The following SPTB variants were observed in gnomAD, a reference collection of about 807,000 sequenced individuals.
SPTB encodes spectrin beta, erythrocytic.
A neutral mutation model predicts 256.2 loss-of-function variants in SPTB; 45 were observed. The observed-to-expected ratio is 0.18, with a 90% confidence interval of 0.14 to 0.23. The LOEUF is 0.23. Ranked by LOEUF, SPTB falls within the 10% of genes least tolerant of loss-of-function variation. The pLI is 1.00. For synonymous variants in SPTB, 1,231 were observed against 1,243.1 expected, an observed-to-expected ratio of 0.99 and a Z score of 0.21; for missense variants, 2,715 against 3,040.4, an observed-to-expected ratio of 0.89 and a Z score of 2.52.
chr14:64,779,259 G>C lies in SPTB; in HGVS notation c.4474-13C>G, dbSNP rs1247261400. ...CCTCCACCCAAAGCTGCAGAGACCA[G>C]GAGGCAGGAGAGAGCTGATGACAAT... On this transcript the variant is annotated splice_polypyrimidine_tract_variant and intron_variant, in intron 21 of 35. Coordinates refer to ENST00000644917, the MANE Select transcript of SPTB (RefSeq NM_001355436.2). The surrounding 1 kb of genome is among the most constrained non-coding windows in gnomAD (Gnocchi z 4.2). The C allele has an allele frequency of 1.2e-6, 2 of 1,608,702 alleles. No homozygotes were observed. The highest frequency in any genetic ancestry group is 2.2e-5 in the East Asian group (1 of 44,800).
rs2357727 is a variant in SPTB at position 64,779,463 on chromosome 14, T to C, written c.4474-217A>G. Among the ~76,000 whole-genome samples the C allele has an allele frequency of 0.34, 51,980 of 152,108 alleles. 11,234 individuals are homozygous for C. Among genetic ancestry groups the C allele is most frequent in the African/African-American group, 0.61 (25,391 of 41,496 alleles). On this transcript the variant is annotated intron_variant, in intron 21 of 35. Transcript: ENST00000644917. The surrounding 1 kb of genome is among the most constrained non-coding windows in gnomAD (Gnocchi z 4.2). ...TCCTAGTCAGACAGTGGGAAGGTAATGTAGCTGGATCTCGAACCCAAGTCT... is the reference window on the plus strand; with the variant it reads ...TCCTAGTCAGACAGTGGGAAGGTAACGTAGCTGGATCTCGAACCCAAGTCT...
Position 64,780,559 on chromosome 14 carries a change from G to A in SPTB, c.4267-628C>T, listed in dbSNP as rs187340271. ...CTCCAGAGTAGCTGGGATCATAGGC[G>A]TGTGCCACCACACTCAGCTAGTTTT... On this transcript the variant is annotated intron_variant, in intron 20 of 35. Coordinates refer to ENST00000644917, the MANE Select transcript of SPTB (RefSeq NM_001355436.2). 2.2e-3 allele frequency among the ~76,000 whole-genome samples: 330 copies of A among 152,288 alleles called. 1 individual carries two copies. The highest frequency in any genetic ancestry group is 4.5e-3 in the Admixed American group (69 of 15,302).
chr14:64,784,812 G>A (rs2082536994), intron 18 of SPTB, among the ~76,000 whole-genome samples: 1 of 152,222 alleles, frequency 6.6e-6, no homozygotes, highest in African/African-American at 2.4e-5. Context: ...AAGGACAGAG[G>A]TCAATGAAAA....
In SPTB at chr14:64,801,413, C is replaced by T; in HGVS notation, c.648-13G>A. On this transcript the variant is annotated splice_polypyrimidine_tract_variant and intron_variant, in intron 6 of 35. Transcript: ENST00000644917. Reference sequence around the variant, plus strand: ...GATCAGGTCGGGCCTGGGGACAAAACTGGACTGTGAAAAGGGAGTAGCCAC... The same window carrying T: ...GATCAGGTCGGGCCTGGGGACAAAATTGGACTGTGAAAAGGGAGTAGCCAC... The T allele has an allele frequency of 6.2e-7, 1 of 1,604,638 alleles. No homozygotes were observed. Among genetic ancestry groups the T allele is most frequent in the Non-Finnish European group, 8.5e-7 (1 of 1,171,458 alleles).
intron 1 of SPTB, among the ~76,000 whole-genome samples, chr14:64,829,762 TAC>T (rs1190169261): frequency 6.6e-6 from 1 of 152,160 alleles, no homozygotes; most frequent in Non-Finnish European, 1.5e-5. Flanking sequence ...ACTTGTAAAA[TAC>T]AGTCATATGC....
intron 1 of SPTB, among the ~76,000 whole-genome samples, chr14:64,829,393 T>A (rs2083416598): frequency 1.3e-5 from 2 of 152,150 alleles, no homozygotes; most frequent in South Asian, 4.1e-4. Flanking sequence ...TAATCAAATA[T>A]AATGCACCTT....
At position 64,760,239 on chromosome 14, in the gene SPTB, G is replaced by A. The variant is rs561613043; in HGVS notation, c.6346-6446C>T. Among the ~76,000 whole-genome samples the A allele has an allele frequency of 1.3e-5, 2 of 152,242 alleles. No individual in the cohort carries two copies. Among genetic ancestry groups the A allele is most frequent in the East Asian group, 3.9e-4 (2 of 5,162 alleles). On this transcript the variant is annotated intron_variant, in intron 32 of 35. Coordinates refer to ENST00000644917, the MANE Select transcript of SPTB (RefSeq NM_001355436.2). This position sits in a 1 kb window ranked among gnomAD's most constrained non-coding sequence, Gnocchi z 4.3. ...GCCTTGCTAGGAAACTGGCTTGGGT[G>A]GGGGAGGCAGGGGTTGGGGTCTTCA...
intron 29 of SPTB, 118 bp from the exon 30 acceptor site, chr14:64,767,977 C>T (rs2082217262): frequency 8.9e-7 from 1 of 1,128,600 alleles, no homozygotes; most frequent in Non-Finnish European, 1.3e-6. Context: ...TGTCCCTAAA[C>T]CACATGGATA....
rs1029260923 is a variant in SPTB, at chr14:64,873,504, C to G, written c.-52+6288G>C. Among the ~76,000 whole-genome samples, 3 of 152,082 alleles carry G rather than the reference C, an allele frequency of 2.0e-5. No individual in the cohort carries two copies. Among genetic ancestry groups the G allele is most frequent in the Non-Finnish European group, 2.9e-5 (2 of 68,024 alleles). On this transcript the variant is annotated intron_variant, in intron 1 of 35. Coordinates refer to ENST00000644917, the MANE Select transcript of SPTB (RefSeq NM_001355436.2). This position sits in a 1 kb window ranked among gnomAD's most constrained non-coding sequence, Gnocchi z 4.3. ...AACATCAATTAACGGGCAGATGAAC[C>G]CTTCATTTATCTATGGCATGCTACT...
chr14:64,828,102 T>C (rs1566790486), intron 1 of SPTB, among the ~76,000 whole-genome samples: 1 of 152,192 alleles, frequency 6.6e-6, no homozygotes, highest in African/African-American at 2.4e-5. Context: ...TTACTACCCA[T>C]GGTTGCTACT....
At chr14:64,803,291 C>T (rs1265865944) in intron 4 of SPTB, among the ~76,000 whole-genome samples, 1 of 152,108 alleles carries the variant, frequency 6.6e-6, no homozygotes, top group Non-Finnish European at 1.5e-5. Context: ...TTTCAAAAAC[C>T]AAGAAGTTAC....
chr14:64,796,910 G>A lies in SPTB; in HGVS notation c.1183-195C>T, dbSNP rs879784457. Among the ~76,000 whole-genome samples, 38 of 152,108 alleles carry A rather than the reference G, an allele frequency of 2.5e-4. No individual in the cohort carries two copies. The highest frequency in any genetic ancestry group is 5.3e-4 in the Non-Finnish European group (36 of 68,028). On this transcript the variant is annotated intron_variant, in intron 10 of 35. Transcript: ENST00000644917. This position sits in a 1 kb window ranked among gnomAD's most constrained non-coding sequence, Gnocchi z 4.1. ...GTCTGGGCCCATCAAAGATTCAGAGGGCACTGCTCATGAGTCTCACTTCCC... is the reference window on the plus strand; with the variant it reads ...GTCTGGGCCCATCAAAGATTCAGAGAGCACTGCTCATGAGTCTCACTTCCC...
intron 19 of SPTB, 146 bp downstream of exon 19, chr14:64,784,101 G>C (rs1347507802): frequency 1.2e-5 from 15 of 1,207,826 alleles, no homozygotes; most frequent in Middle Eastern, 2.7e-4. Context: ...AGCTCTGAAG[G>C]TTTAGCTACT....
At chr14:64,768,646 C>T (rs1257133030) in intron 29 of SPTB, among the ~76,000 whole-genome samples, 1 of 152,012 alleles carries the variant, frequency 6.6e-6, no homozygotes, top group African/African-American at 2.4e-5. Flanking sequence ...TTACCCCAAC[C>T]CCTCTCCCAG....
In SPTB at chr14:64,771,127, C is replaced by T. The variant is rs2082273321; in HGVS notation, c.5556G>A (p.Val1852=). 2.5e-6 allele frequency: 4 copies of T among 1,613,686 alleles called. No individual in the cohort carries two copies. Among genetic ancestry groups the T allele is most frequent in the Non-Finnish European group, 2.5e-6 (3 of 1,180,024 alleles). Residue 1852 remains valine, a splice_region_variant and synonymous_variant, in exon 27 of 36, where the codon GTG becomes GTA. Transcript: ENST00000644917. The part of the protein sequence containing the change: ...ERELHLLGVQ[V]QQFQDVATRL... ...GGGTGGCCACGTCCTGGAACTGCTG[C>T]ACCTGTGGTCAGGCAAAATCAGACA...
chr14:64,795,605 G>C lies in SPTB; in HGVS notation c.1376C>G (p.Ala459Gly). 1 of 1,614,072 alleles carries C rather than the reference G, an allele frequency of 6.2e-7. No homozygotes were observed. Among genetic ancestry groups the C allele is most frequent in the African/African-American group, 1.3e-5 (1 of 75,028 alleles). ...NFGYDLAAVEAAKKKHEAIET... is the reference protein window; with the variant it reads ...NFGYDLAAVEGAKKKHEAIET... Reference sequence around the variant, plus strand: ...GATGGCCTCATGCTTCTTCTTGGCGGCCTCCACAGCTGCCAGGTCATACCC... The same window carrying C: ...GATGGCCTCATGCTTCTTCTTGGCGCCCTCCACAGCTGCCAGGTCATACCC... The change falls in exon 12 of 36, where the codon GCC (alanine) becomes GGC (glycine). Residue 459 changes from alanine to glycine, a missense_variant. Coordinates refer to ENST00000644917, the MANE Select transcript of SPTB (RefSeq NM_001355436.2). This position sits in a 1 kb window ranked among gnomAD's most constrained non-coding sequence, Gnocchi z 6.5.
intron 26 of SPTB, 95 bp from the exon 27 acceptor site, chr14:64,771,224 C>T: frequency 1.3e-6 from 2 of 1,579,462 alleles, no homozygotes; most frequent in South Asian, 1.1e-5. Flanking sequence ...CTCCTGGCCT[C>T]CCTGCCCAGG....
At chr14:64,819,789 T>A (rs1189553865) in intron 2 of SPTB, among the ~76,000 whole-genome samples, 1 of 152,096 alleles carries the variant, frequency 6.6e-6, no homozygotes, top group African/African-American at 2.4e-5. Context: ...TGTCTGAAGT[T>A]GGGAAAAGAG....
At chr14:64,754,193 G>GT (rs1440654199) in intron 32 of SPTB, 1 of 350,100 alleles carries the variant, frequency 2.9e-6, no homozygotes, top group Non-Finnish European at 5.5e-6. Flanking sequence ...CCAGACACTC[G>GT]TATGAGGAAA....
Sources: allele counts gnomAD v4.1 joint callset (sites outside exome capture counted in the v4.1 genomes callset), GRCh38; gene constraint gnomAD v4.1.1; non-coding constraint Gnocchi (gnomAD v3.1); transcripts MANE v1.5; gene names NCBI Gene and HGNC (gene_info 2026-07-23, HGNC 2026-07-21).